The following CYFIP2 variants were observed in gnomAD, a reference collection of about 807,000 sequenced individuals.
CYFIP2 encodes cytoplasmic FMR1-interacting protein 2.
In CYFIP2, 29 loss-of-function variants were observed where a neutral mutation model predicts 158.7. That is an observed-to-expected ratio of 0.18 (90% CI 0.14 to 0.25). The LOEUF (loss-of-function observed/expected upper bound fraction) is 0.25, where lower values mean the gene tolerates loss of function less well. Among genes scored for constraint, CYFIP2 ranks in the 10% least tolerant of loss-of-function variants. The pLI, the probability that CYFIP2 is intolerant of heterozygous loss-of-function variation, is 1.00. For missense variants in CYFIP2, 852 were observed against 1,639.5 expected (o/e 0.52, Z 8.29); for synonymous variants, 585 against 617.6 (o/e 0.95, Z 0.78).
intron 1 of CYFIP2, 80 bp from the exon 2 acceptor site, chr5:157,285,259 G>A (rs1757283660): frequency 1.1e-6 from 1 of 920,924 alleles, no homozygotes; most frequent in South Asian, 1.4e-5. Flanking sequence ...TTCTCCCAAA[G>A]GATGCTGGTC....
chr5:157,353,571 A>G (rs1233298333), intron 23 of CYFIP2, among the ~76,000 whole-genome samples: 1 of 152,188 alleles, frequency 6.6e-6, no homozygotes. Flanking sequence ...AGCGTTTACA[A>G]TGGATTTGAT....
chr5:157,282,307 G>A (rs1228599904), intron 1 of CYFIP2, among the ~76,000 whole-genome samples: 1 of 152,082 alleles, frequency 6.6e-6, no homozygotes, highest in African/African-American at 2.4e-5. Context: ...GCAGTGTGGG[G>A]GAGGGAGGTG....
intron 1 of CYFIP2, among the ~76,000 whole-genome samples, chr5:157,268,189 C>T (rs1755774842): frequency 6.6e-6 from 1 of 152,252 alleles, no homozygotes; most frequent in Non-Finnish European, 1.5e-5. Flanking sequence ...GCTCTCTGCT[C>T]ACTAAGCTTC....
At chr5:157,302,270 C>G (rs931029578) in intron 6 of CYFIP2, among the ~76,000 whole-genome samples, 1 of 152,164 alleles carries the variant, frequency 6.6e-6, no homozygotes. Context: ...TGCTTGTGTT[C>G]CCTGTGCCCG....
At chr5:157,386,136 A>G (rs1766661065) in intron 28 of CYFIP2, among the ~76,000 whole-genome samples, 1 of 152,244 alleles carries the variant, frequency 6.6e-6, no homozygotes, top group Non-Finnish European at 1.5e-5. Context: ...ACCAGTAATC[A>G]GTGAAATGCA....
At chr5:157,338,582 A>T (rs2113224918) in intron 21 of CYFIP2, among the ~76,000 whole-genome samples, 1 of 152,354 alleles carries the variant, frequency 6.6e-6, no homozygotes, top group East Asian at 1.9e-4. Flanking sequence ...CACATATAAA[A>T]CTGGCACATA....
intron 23 of CYFIP2, among the ~76,000 whole-genome samples, chr5:157,354,345 T>C (rs562286731): frequency 2.3e-4 from 35 of 152,304 alleles, no homozygotes; most frequent in Non-Finnish European, 1.0e-4. Context: ...GTTAGCAGAA[T>C]TGGTTCAATG....
chr5:157,276,084 A>T (rs1017947756), intron 1 of CYFIP2, among the ~76,000 whole-genome samples: 5 of 152,198 alleles, frequency 3.3e-5, no homozygotes, highest in Admixed American at 6.5e-5. Flanking sequence ...AGACTATGTT[A>T]TCTGCAAATA....
Position 157,307,755 on chromosome 5 carries a change from T to C in CYFIP2, c.796-6T>C, listed in dbSNP as rs1183916638. ...GTTTCTATGCTCTGCCCTCTTCTCA[T>C]TCTAGGTGATGGGCTTTGGCCTCTA... On this transcript the variant is annotated splice_region_variant and splice_polypyrimidine_tract_variant and intron_variant, in intron 8 of 30. Transcript: ENST00000620254. 3.5e-5 allele frequency: 55 copies of C among 1,585,458 alleles called. No individual in the cohort carries two copies. The highest frequency in any genetic ancestry group is 4.8e-5 in the Non-Finnish European group (55 of 1,156,872).
chr5:157,319,569 A>G (rs1477298490), intron 13 of CYFIP2, among the ~76,000 whole-genome samples, 193 bp from the exon 14 acceptor site: 1 of 152,250 alleles, frequency 6.6e-6, no homozygotes, highest in Non-Finnish European at 1.5e-5. Context: ...TTCTCAATGA[A>G]TGAAGCCAAG....
Position 157,390,704 on chromosome 5 carries a change from G to T in CYFIP2, c.3594+36G>T, listed in dbSNP as rs759013273. On this transcript the variant is annotated intron_variant, in intron 30 of 30. Coordinates refer to ENST00000620254, the MANE Select transcript of CYFIP2 (RefSeq NM_001037333.3). ...TGGTGGCTAAGGCCTGGGAGGTGGG[G>T]CTGGGCTGACAACCAGGCTTTTACC... 2.0e-5 allele frequency: 31 copies of T among 1,567,402 alleles called. No individual in the cohort carries two copies. In the East Asian group the frequency reaches 6.1e-4, roughly 31 times the overall value.
At chr5:157,296,369 G>A in intron 4 of CYFIP2, 2 of 387,482 alleles carry the variant, frequency 5.2e-6, no homozygotes, top group Non-Finnish European at 1.1e-5. Flanking sequence ...TGAGGTGGGA[G>A]GATTGCTTGA....
chr5:157,320,184 G>A (rs377762313), intron 14 of CYFIP2, among the ~76,000 whole-genome samples: 1 of 152,190 alleles, frequency 6.6e-6, no homozygotes, highest in South Asian at 2.1e-4. Context: ...TGTAAAATGG[G>A]GATTATAATG....
intron 1 of CYFIP2, among the ~76,000 whole-genome samples, chr5:157,281,067 G>T (rs1756953186): frequency 6.6e-6 from 1 of 152,128 alleles, no homozygotes; most frequent in Admixed American, 6.5e-5. Context: ...CAATTTATTT[G>T]TTAGAGGTCC....
chr5:157,330,240 ATGTGTGTGTGTGTGTGTGTGTG>A (rs58447290), intron 19 of CYFIP2, among the ~76,000 whole-genome samples: 24 of 144,420 alleles, frequency 1.7e-4, no homozygotes, highest in Non-Finnish European at 3.0e-4. Context: ...GAGATTTAAA[ATGTGTGTGTGTGTGTGTGTGTG>A]TGTGTGTGTG....
intron 15 of CYFIP2, 107 bp downstream of exon 15, chr5:157,320,909 G>T: frequency 1.2e-5 from 17 of 1,362,610 alleles, no homozygotes; most frequent in Non-Finnish European, 1.6e-5. Flanking sequence ...CCGTCGGTCA[G>T]GAGGGGCAGG....
In CYFIP2 at chr5:157,393,878, T is replaced by C. The variant is rs906359763; in HGVS notation, c.*878T>C. On this transcript the variant is annotated 3_prime_UTR_variant, in exon 31 of 31. Transcript: ENST00000620254. The stretch of plus-strand genomic sequence containing the variant: ...GCCAGTGACCAAATTAGGGACAACG[T>C]CTTGGCACAGAATTGCTTATCAAGG... The C allele has an allele frequency of 6.6e-6, 1 of 152,166 alleles. No homozygotes were observed. Among genetic ancestry groups the C allele is most frequent in the Non-Finnish European group, 1.5e-5 (1 of 68,046 alleles). 9.4% of individuals were successfully genotyped at this position (152,166 alleles called of 1,614,324 possible).
At chr5:157,330,240 A>ATGTGTGTGTGTG (rs58447290) in intron 19 of CYFIP2, among the ~76,000 whole-genome samples, 45 of 144,406 alleles carry the variant, frequency 3.1e-4, no homozygotes, top group Non-Finnish European at 3.5e-4. Flanking sequence ...GAGATTTAAA[A>ATGTGTGTGTGTG]TGTGTGTGTG....
At position 157,291,892 on chromosome 5, in the gene CYFIP2, A is replaced by G. The variant is rs548187381; in HGVS notation, c.208-2891A>G. ...CATTTATAAAAAGAGATGGCCTAGT[A>G]AAATTCTTTCTTTGGTGATTTTTTT... is the stretch of plus-strand genomic sequence containing the variant. On this transcript the variant is annotated intron_variant, in intron 3 of 30. Coordinates refer to ENST00000620254, the MANE Select transcript of CYFIP2 (RefSeq NM_001037333.3). Among the ~76,000 whole-genome samples the G allele has an allele frequency of 1.3e-3, 194 of 152,364 alleles. 1 individual carries two copies. Among genetic ancestry groups the G allele is most frequent in the African/African-American group, 4.1e-3 (170 of 41,594 alleles).
Sources: gnomAD v4.1 joint callset for allele counts (sites outside exome capture counted in the v4.1 genomes callset) on GRCh38, gnomAD v4.1.1 for gene constraint, MANE v1.5 for transcripts, NCBI Gene and HGNC (gene_info 2026-07-23, HGNC 2026-07-21) for gene names.